Variants in RGS3 observed in about 807,000 individuals in gnomAD.
RGS3 encodes the protein regulator of G protein signaling 3.
RGS3 carries 80 observed loss-of-function variants against 132.6 expected under a neutral mutation model. The ratio of observed to expected loss-of-function variants is 0.60; its 90% confidence interval spans 0.50 to 0.73. The LOEUF is 0.73. RGS3 is among the 30% of genes least tolerant of loss of function. The pLI, the probability that RGS3 is intolerant of heterozygous loss-of-function variation, is 0.00. For missense variants in RGS3, 1,382 were observed against 1,530.8 expected (o/e 0.90, Z 1.62); for synonymous variants, 598 against 620.6 (o/e 0.96, Z 0.54).
intron 19 of RGS3, among the ~76,000 whole-genome samples, chr9:113,540,479 C>T (rs1489342520): frequency 3.3e-5 from 5 of 152,156 alleles, no homozygotes; most frequent in Non-Finnish European, 5.9e-5. Context: ...GCATGAAAGC[C>T]ATGCTTGCGG....
intron 19 of RGS3, among the ~76,000 whole-genome samples, chr9:113,556,116 TC>T (rs200898897): frequency 0.011 from 1,614 of 152,338 alleles, 11 homozygotes; most frequent in Non-Finnish European, 0.018. Flanking sequence ...TTCTGTGGTT[TC>T]CCCAGTATTT....
intron 17 of RGS3, among the ~76,000 whole-genome samples, chr9:113,527,387 A>G (rs1832260820): frequency 6.6e-6 from 1 of 152,216 alleles, no homozygotes; most frequent in Non-Finnish European, 1.5e-5. Flanking sequence ...TGCTTCTGGA[A>G]GGCCAAAGAA....
exon 7 of RGS3, chr9:113,485,691 C>T: frequency 1.3e-6 from 2 of 1,587,390 alleles, no homozygotes; most frequent in South Asian, 1.2e-5. Context: ...CCAGCCAGTC[C>T]AGGTGAGGAG....
chr9:113,594,955 C>G (rs1307267618), exon 23 of RGS3: 1 of 1,614,010 alleles, frequency 6.2e-7, no homozygotes, highest in East Asian at 2.2e-5. Flanking sequence ...GGGGCGAGTC[C>G]TTGGAGAAGC....
Position 113,463,832 on chromosome 9 carries a change from C to CG in RGS3, c.415+1634dup. On this transcript the variant is annotated intron_variant, in intron 3 of 24. Transcript: ENST00000350696. The surrounding 1 kb of genome is among the most constrained non-coding windows in gnomAD (Gnocchi z 4.6). ...AGCGCTCCCTGCACCGCGTCTCCCTCGGGAGCCGGCGTGCCCACCCGGACT... is the reference window on the plus strand; with the variant it reads ...AGCGCTCCCTGCACCGCGTCTCCCTCGGGGAGCCGGCGTGCCCACCCGGACT... 1 of 1,612,986 alleles carries CG rather than the reference C, an allele frequency of 6.2e-7. No individual in the cohort carries two copies.
In RGS3 at chr9:113,536,704, C is replaced by A. The variant is rs1017066114; in HGVS notation, c.1915-92C>A. The A allele has an allele frequency of 3.2e-6, 5 of 1,544,492 alleles. No homozygotes were observed. The African/African-American group carries it at 6.8e-5, about 21-fold the overall frequency. On this transcript the variant is annotated intron_variant, in intron 18 of 24. Transcript: ENST00000350696. ...ACTCCCCTCCTGGCTGCAGCCTCAC[C>A]CTCTGGAGCCCAGGGATGGGCTTGG...
rs373801923 is a variant in RGS3, at chr9:113,522,858, C to T, written c.1759-72C>T. Reference sequence around the variant, plus strand: ...GGGAGGCTGTGGCTCCCCACCTTCTCGGGGAGGTTGTGGCTCTCAGCCTCC... The same window carrying T: ...GGGAGGCTGTGGCTCCCCACCTTCTTGGGGAGGTTGTGGCTCTCAGCCTCC... On this transcript the variant is annotated intron_variant, in intron 16 of 24. Coordinates refer to ENST00000350696, the Ensembl canonical transcript of RGS3. 486 of 954,404 alleles carry T rather than the reference C, an allele frequency of 5.1e-4. 3 individuals are homozygous for T. In the East Asian group the frequency reaches 7.2e-3, roughly 14 times the overall value. The allele number at this position is 954,404 out of a possible 1,614,324, so 59.1% of individuals were successfully genotyped here. A position where few individuals can be genotyped will look rare whatever the true frequency, so the allele number is the denominator to read the frequency against.
chr9:113,484,576 T>C (rs1668062489), intron 6 of RGS3, among the ~76,000 whole-genome samples: 1 of 152,166 alleles, frequency 6.6e-6, no homozygotes, highest in African/African-American at 2.4e-5. Flanking sequence ...CCGAAGGAAT[T>C]TTCCAAGCTG....
intron 19 of RGS3, among the ~76,000 whole-genome samples, chr9:113,552,291 T>C (rs948655000): frequency 2.6e-5 from 4 of 152,198 alleles, no homozygotes; most frequent in Non-Finnish European, 5.9e-5. Flanking sequence ...TTAAAAATTA[T>C]TTCCCCCCTC....
intron 21 of RGS3, chr9:113,594,135 C>A: frequency 6.2e-7 from 1 of 1,613,188 alleles, no homozygotes. Context: ...GTCCAGTCAT[C>A]AGGCCAGGAT....
exon 25 of RGS3, chr9:113,597,687 A>T (rs756425716): frequency 6.6e-6 from 1 of 152,264 alleles, no homozygotes; most frequent in African/African-American, 2.4e-5. Flanking sequence ...CAGACCACAC[A>T]GTAGCCAAGT....
chr9:113,502,460 GC>G (rs925235771), intron 10 of RGS3, among the ~76,000 whole-genome samples: 29 of 152,166 alleles, frequency 1.9e-4, no homozygotes, highest in Admixed American at 6.5e-4. Context: ...AGGGGTCCCT[GC>G]CCCCCCACCT....
At position 113,497,405 on chromosome 9, in the gene RGS3, G is replaced by A; in HGVS notation, c.841+1G>A. On this transcript the variant is annotated splice_donor_variant, in intron 9 of 24. Transcript: ENST00000350696. LOFTEE classifies it high-confidence loss of function. ...AGGCGGCGACTGCGGCCGCTGAGAG[G>A]TACCTGCACACCCCCTTCAGCTTCC... 1 of 1,612,422 alleles carries A rather than the reference G, an allele frequency of 6.2e-7. No homozygotes were observed. Among genetic ancestry groups the A allele is most frequent in the East Asian group, 2.2e-5 (1 of 44,870 alleles).
At chr9:113,503,015 A>G (rs1294554251) in intron 10 of RGS3, among the ~76,000 whole-genome samples, 2 of 152,218 alleles carry the variant, frequency 1.3e-5, no homozygotes, top group Admixed American at 6.5e-5. Flanking sequence ...TGTTTAATAC[A>G]TGGCAGAATT....
At chr9:113,532,189 T>C (rs191935792) in intron 18 of RGS3, among the ~76,000 whole-genome samples, 1 of 152,310 alleles carries the variant, frequency 6.6e-6, no homozygotes, top group African/African-American at 2.4e-5. Context: ...CAGAGCCTGC[T>C]ATTGAGGGCA....
chr9:113,593,959 C>T, intron 21 of RGS3: 2 of 1,612,874 alleles, frequency 1.2e-6, no homozygotes, highest in Non-Finnish European at 1.7e-6. Flanking sequence ...CTGGGACTGG[C>T]TTCCTGCCGG....
chr9:113,593,086 A>C (rs1835529684), intron 21 of RGS3: 1 of 152,210 alleles, frequency 6.6e-6, no homozygotes, highest in South Asian at 2.1e-4. Flanking sequence ...ACAGCTTGAC[A>C]GAGAAAAAAC....
chr9:113,479,559 C>G lies in RGS3; in HGVS notation c.466+18C>G, dbSNP rs1418208606. The G allele has an allele frequency of 6.2e-7, 1 of 1,613,654 alleles. No individual in the cohort carries two copies. Among genetic ancestry groups the G allele is most frequent in the South Asian group, 1.1e-5 (1 of 91,066 alleles). On this transcript the variant is annotated intron_variant, in intron 4 of 24. Coordinates refer to ENST00000350696, the Ensembl canonical transcript of RGS3. ...GCTTCACAGTGAGTACGGCTTTGTG[C>G]AGGCTCACCAAGGAAGGGGCGGGCC... is the stretch of plus-strand genomic sequence containing the variant.
intron 7 of RGS3, among the ~76,000 whole-genome samples, chr9:113,492,677 A>G (rs1027199394): frequency 2.0e-5 from 3 of 152,196 alleles, no homozygotes; most frequent in Admixed American, 6.6e-5. Context: ...GGTGAGCGCT[A>G]GTTCCCAAGT....
Sources: allele counts gnomAD v4.1 joint callset (sites outside exome capture counted in the v4.1 genomes callset), GRCh38; gene constraint gnomAD v4.1.1; non-coding constraint Gnocchi (gnomAD v3.1); transcripts MANE v1.5; gene names NCBI Gene and HGNC (gene_info 2026-07-23, HGNC 2026-07-21).